The following ACACA variants were observed in gnomAD, a reference collection of about 807,000 sequenced individuals.
The protein encoded by ACACA is acetyl-CoA carboxylase alpha, also known as acetyl-CoA carboxylase 1.
A neutral mutation model predicts 296.1 loss-of-function variants in ACACA; 103 were observed. That is an observed-to-expected ratio of 0.35 (90% CI 0.30 to 0.41). The LOEUF is 0.41. Among genes scored for constraint, ACACA ranks in the 10% least tolerant of loss-of-function variants. The probability of loss-of-function intolerance (pLI) is 1.00; values close to 1 mark genes in which losing one functional copy is unlikely to be tolerated. For missense variants in ACACA, 1,554 were observed against 2,989.7 expected, an observed-to-expected ratio of 0.52 and a Z score of 11.20; for synonymous variants, 953 against 1,038.6, an observed-to-expected ratio of 0.92 and a Z score of 1.58.
At chr17:37,214,847 T>C (rs2078913552) in intron 29 of ACACA, among the ~76,000 whole-genome samples, 1 of 152,214 alleles carries the variant, frequency 6.6e-6, no homozygotes, top group African/African-American at 2.4e-5. Context: ...CTACAACAAG[T>C]GCTCCCACTG....
chr17:37,142,813 A>G (rs2075648426), intron 45 of ACACA, among the ~76,000 whole-genome samples: 1 of 152,222 alleles, frequency 6.6e-6, no homozygotes, highest in African/African-American at 2.4e-5. Context: ...AGATACATCT[A>G]TTGGGAAAGT....
chr17:37,277,074 T>C lies in ACACA; in HGVS notation c.761A>G (p.Lys254Arg), dbSNP rs765547129. 2 of 1,614,114 alleles carry C rather than the reference T, an allele frequency of 1.2e-6. No homozygotes were observed. Among genetic ancestry groups the C allele is most frequent in the Non-Finnish European group, 1.7e-6 (2 of 1,180,002 alleles). The stretch of plus-strand genomic sequence containing the variant: ...ATTTTTCAAGAGAAGTTCCGGTAGT[T>C]TGGGATTCTCAGAAGCATGACCCCA... ...AGWGHASENP[K>R]LPELLLKNGI... Residue 254 changes from lysine (K) to arginine (R), a missense_variant, in exon 7 of 56, where the codon AAA becomes AGA. Lys to Arg is a conservative substitution (Grantham distance 26, BLOSUM62 2). Coordinates refer to ENST00000616317, the MANE Select transcript of ACACA (RefSeq NM_198834.3).
At chr17:37,144,056 G>C (rs1357864585) in intron 45 of ACACA, 2 of 768,070 alleles carry the variant, frequency 2.6e-6, no homozygotes, top group East Asian at 2.4e-5. Flanking sequence ...TCCCCTTCAG[G>C]AGGGACGTAG....
chr17:37,245,178 A>G lies in ACACA; in HGVS notation c.2497T>C (p.Ser833Pro), dbSNP rs144690330. The change falls in exon 20 of 56, where the codon TCT (serine) becomes CCT (proline). Residue 833 changes from serine (S) to proline (P), a missense_variant. Ser to Pro is a moderately conservative substitution (Grantham distance 74). Transcript: ENST00000616317. The stretch of plus-strand genomic sequence containing the variant: ...CGCTTGACGTAATGGATACAGCCAG[A>G]CTCCACAGCTGTTAAGGTCATTACC... ...KMVMTLTAVESGCIHYVKRPG... is the reference protein window; with the variant it reads ...KMVMTLTAVEPGCIHYVKRPG... 3.1e-6 allele frequency: 5 copies of G among 1,613,992 alleles called. No homozygotes were observed. The highest frequency in any genetic ancestry group is 4.2e-6 in the Non-Finnish European group (5 of 1,179,942).
At chr17:37,131,160 CA>C (rs2075076840) in intron 45 of ACACA, among the ~76,000 whole-genome samples, 1 of 152,010 alleles carries the variant, frequency 6.6e-6, no homozygotes, top group Non-Finnish European at 1.5e-5. Flanking sequence ...TTCAGGGCCT[CA>C]ATCCCTGGTA....
intron 55 of ACACA, among the ~76,000 whole-genome samples, chr17:37,088,175 G>A (rs1363480258): frequency 6.6e-6 from 1 of 152,196 alleles, no homozygotes; most frequent in Non-Finnish European, 1.5e-5. Flanking sequence ...ATGTTCTACA[G>A]ATGGTAGATA....
intron 16 of ACACA, among the ~76,000 whole-genome samples, chr17:37,249,690 T>C (rs1198055257): frequency 6.6e-6 from 1 of 152,172 alleles, no homozygotes; most frequent in Non-Finnish European, 1.5e-5. Context: ...AAAAATATAC[T>C]GTTGAGTTAA....
intron 2 of ACACA, 71 bp downstream of exon 2, chr17:37,339,731 TAC>T (rs2048298376): frequency 1.1e-6 from 1 of 945,420 alleles, no homozygotes. Flanking sequence ...CACAAAAGCC[TAC>T]AGTTTGATAT....
chr17:37,158,922 A>G (rs544382844), intron 42 of ACACA, among the ~76,000 whole-genome samples: 81 of 152,048 alleles, frequency 5.3e-4, no homozygotes, highest in Non-Finnish European at 8.4e-4. Flanking sequence ...TAATGCCTAT[A>G]ATCTCAGCAC....
intron 45 of ACACA, chr17:37,144,246 A>T: frequency 1.4e-6 from 1 of 692,620 alleles, no homozygotes; most frequent in Non-Finnish European, 2.7e-6. Context: ...AAAAATGCGT[A>T]TGACAACATC....
rs1165577053 is a variant in ACACA, at chr17:37,096,012, GA to G, written c.6891+983del. On this transcript the variant is annotated intron_variant, in intron 54 of 55. Coordinates refer to ENST00000616317, the MANE Select transcript of ACACA (RefSeq NM_198834.3). ...AGCCCTCTCTGTGAGATCACCCCAAGAAAATGCCAGCTTCATAGGTCCCTTT... is the reference window on the plus strand; with the variant it reads ...AGCCCTCTCTGTGAGATCACCCCAAGAAATGCCAGCTTCATAGGTCCCTTT... 2.0e-5 allele frequency among the ~76,000 whole-genome samples: 3 copies of G among 152,236 alleles called. No individual in the cohort carries two copies. The East Asian group carries it at 5.8e-4, about 29-fold the overall frequency.
chr17:37,138,418 C>T (rs1021541950), intron 45 of ACACA, among the ~76,000 whole-genome samples: 3 of 152,228 alleles, frequency 2.0e-5, no homozygotes, highest in Admixed American at 2.0e-4. Flanking sequence ...AATCTACTAA[C>T]GTGTGGTTCT....
At chr17:37,185,930 C>T (rs2077514155) in intron 39 of ACACA, among the ~76,000 whole-genome samples, 1 of 152,146 alleles carries the variant, frequency 6.6e-6, no homozygotes, top group Non-Finnish European at 1.5e-5. Flanking sequence ...CAATGGATTA[C>T]CCAAATCTCT....
At chr17:37,177,269 C>CGTGTGTGTGTGTGTGT (rs112439511) in intron 41 of ACACA, among the ~76,000 whole-genome samples, 176 of 146,532 alleles carry the variant, frequency 1.2e-3, no homozygotes, top group African/African-American at 4.3e-3. Flanking sequence ...TTAAAAAATT[C>CGTGTGTGTGTGTGTGT]GTGTGTGTGT....
intron 45 of ACACA, among the ~76,000 whole-genome samples, chr17:37,136,236 C>A (rs2075327006): frequency 6.6e-6 from 1 of 152,120 alleles, no homozygotes. Context: ...CCCTCCACCC[C>A]TAACAACCAT....
In ACACA at chr17:37,181,296, G is replaced by T; in HGVS notation, c.4837C>A (p.Pro1613Thr). Reference sequence around the variant, plus strand: ...TGCAGCAGGTCTTTGGTCACATATGGAGTATTGATTAACATTCCATGCAGT... The same window carrying T: ...TGCAGCAGGTCTTTGGTCACATATGTAGTATTGATTAACATTCCATGCAGT... ...GPLHGMLINT[P>T]YVTKDLLQSK... is the part of the protein sequence containing the mutation. Residue 1613 changes from proline to threonine, a missense_variant, in exon 40 of 56, where the codon CCA becomes ACA. Physicochemically the swap from Pro to Thr is conservative, Grantham distance 38 (BLOSUM62 -1). Coordinates refer to ENST00000616317, the MANE Select transcript of ACACA (RefSeq NM_198834.3). 6.2e-7 allele frequency: 1 copy of T among 1,613,946 alleles called. No homozygotes were observed. Among genetic ancestry groups the T allele is most frequent in the Non-Finnish European group, 8.5e-7 (1 of 1,179,920 alleles).
At position 37,085,695 on chromosome 17, in the gene ACACA, C is replaced by G. The variant is rs1567635549; in HGVS notation, c.*1621G>C. The stretch of plus-strand genomic sequence containing the variant: ...GCTGTCCGCTCCATACCCAGCCATA[C>G]AGTGCCCACCTGCAACCCAGAACCA... On this transcript the variant is annotated 3_prime_UTR_variant, in exon 56 of 56. Coordinates refer to ENST00000616317, the MANE Select transcript of ACACA (RefSeq NM_198834.3). 2 of 399,080 alleles carry G rather than the reference C, an allele frequency of 5.0e-6. No individual in the cohort carries two copies. Among genetic ancestry groups the G allele is most frequent in the Non-Finnish European group, 8.8e-6 (2 of 226,204 alleles). 24.7% of individuals were successfully genotyped at this position (399,080 alleles called of 1,614,324 possible). A position where few individuals can be genotyped will look rare whatever the true frequency, so the allele number is the denominator to read the frequency against.
At position 37,111,662 on chromosome 17, in the gene ACACA, AAAAAC is replaced by A. The variant is rs2073978260; in HGVS notation, c.6453-24_6453-20del. ...AGATCCCCTGGATCAGAAAGAAAGA[AAAAAC>A]AAAACAGAAATAGAGGCACTTTAAA... is the stretch of plus-strand genomic sequence containing the variant. On this transcript the variant is annotated intron_variant, in intron 51 of 55. Transcript: ENST00000616317. The A allele has an allele frequency of 1.3e-6, 2 of 1,590,182 alleles. No homozygotes were observed. Among genetic ancestry groups the A allele is most frequent in the Non-Finnish European group, 1.7e-6 (2 of 1,158,284 alleles).
At chr17:37,256,291 A>G (rs139390208) in intron 14 of ACACA, among the ~76,000 whole-genome samples, 1 of 152,342 alleles carries the variant, frequency 6.6e-6, no homozygotes, top group East Asian at 1.9e-4. Context: ...ATAATATGGC[A>G]GCGAATATGC....
Sources: allele counts gnomAD v4.1 joint callset (sites outside exome capture counted in the v4.1 genomes callset), GRCh38; gene constraint gnomAD v4.1.1; transcripts MANE v1.5; gene names NCBI Gene and HGNC (gene_info 2026-07-23, HGNC 2026-07-21).